CTIF: variants seen among roughly 807,000 people sequenced by gnomAD.
The protein encoded by CTIF is cap binding complex dependent translation initiation factor.
In CTIF, 21 loss-of-function variants were observed where a neutral mutation model predicts 66.0. The observed-to-expected ratio is 0.32, with a 90% CI of 0.23 to 0.46. The LOEUF (loss-of-function observed/expected upper bound fraction) is 0.46. Ranked by LOEUF, CTIF falls within the 20% of genes least tolerant of loss-of-function variation. The pLI is 1.00. For missense variants in CTIF, 739 were observed against 812.7 expected (o/e 0.91, Z 1.10); for synonymous variants, 345 against 326.4 (o/e 1.06, Z -0.62).
intron 4 of CTIF, 71 bp from the exon 5 acceptor site, chr18:48,664,376 G>C (rs189261228): frequency 7.4e-7 from 1 of 1,347,460 alleles, no homozygotes; most frequent in Non-Finnish European, 1.1e-6. Context: ...GTTCAGCCTG[G>C]CCCCCTGGTT....
At chr18:48,739,716 G>A (rs2092538141) in intron 7 of CTIF, among the ~76,000 whole-genome samples, 1 of 152,230 alleles carries the variant, frequency 6.6e-6, no homozygotes, top group Non-Finnish European at 1.5e-5. Context: ...GCCACTGGAA[G>A]CTGAGAGGCC....
intron 9 of CTIF, among the ~76,000 whole-genome samples, chr18:48,812,292 G>A (rs1399809991): frequency 6.6e-6 from 1 of 152,152 alleles, no homozygotes; most frequent in East Asian, 1.9e-4. Context: ...AGCAACTGCA[G>A]CATTGAATTT....
intron 4 of CTIF, among the ~76,000 whole-genome samples, chr18:48,664,116 G>T (rs1039276707): frequency 2.0e-5 from 3 of 152,212 alleles, no homozygotes; most frequent in Non-Finnish European, 4.4e-5. Flanking sequence ...ACTTTGAGCT[G>T]CTTGTCAGAG....
At chr18:48,590,750 G>A (rs2089870484) in intron 1 of CTIF, among the ~76,000 whole-genome samples, 1 of 152,208 alleles carries the variant, frequency 6.6e-6, no homozygotes, top group Non-Finnish European at 1.5e-5. Flanking sequence ...CATTTCGGAT[G>A]ACTTCCTGCC....
At chr18:48,821,444 C>A (rs974752318) in intron 10 of CTIF, among the ~76,000 whole-genome samples, 1 of 152,266 alleles carries the variant, frequency 6.6e-6, no homozygotes, top group Non-Finnish European at 1.5e-5. Flanking sequence ...GCGGTAGAAT[C>A]AGTCCTGGAA....
chr18:48,666,824 C>G (rs886797760), intron 5 of CTIF, among the ~76,000 whole-genome samples: 19 of 152,220 alleles, frequency 1.2e-4, no homozygotes, highest in African/African-American at 4.6e-4. Flanking sequence ...TCCTTCCAGA[C>G]TGCTGAGCTG....
intron 9 of CTIF, among the ~76,000 whole-genome samples, chr18:48,763,554 C>T (rs534268944): frequency 6.6e-6 from 1 of 152,348 alleles, no homozygotes; most frequent in African/African-American, 2.4e-5. Flanking sequence ...TCTGCATTCC[C>T]CAGTTAAGAA....
intron 7 of CTIF, among the ~76,000 whole-genome samples, chr18:48,737,911 G>A (rs2092518140): frequency 6.6e-6 from 1 of 152,264 alleles, no homozygotes. Context: ...TGAGAGGGCA[G>A]GCACCTGCAT....
chr18:48,730,712 C>CT (rs1468736114), intron 7 of CTIF, among the ~76,000 whole-genome samples: 4 of 71,174 alleles, frequency 5.6e-5, no homozygotes, highest in Non-Finnish European at 5.3e-5. Context: ...GAGGGGCTTC[C>CT]GCGGTGTGAG....
rs1479526760 is a variant in CTIF, at chr18:48,636,995, A to G, written c.252+310A>G. Among the ~76,000 whole-genome samples, 3 of 152,158 alleles carry G rather than the reference A, an allele frequency of 2.0e-5. No individual in the cohort carries two copies. The East Asian group carries it at 5.8e-4, about 29-fold the overall frequency. ...GAGAGGTGCCTTGGGATCCATCCTT[A>G]CAGTGGAATATTACACGGCTCTCAA... On this transcript the variant is annotated intron_variant, in intron 3 of 11. Coordinates refer to ENST00000256413, the MANE Select transcript of CTIF (RefSeq NM_014772.3).
intron 1 of CTIF, among the ~76,000 whole-genome samples, chr18:48,542,925 A>C (rs2088654219): frequency 6.6e-6 from 1 of 152,154 alleles, no homozygotes. Context: ...CACGGAGCTA[A>C]GGAGATGTTC....
intron 1 of CTIF, among the ~76,000 whole-genome samples, chr18:48,579,623 A>T (rs1475787943): frequency 2.0e-5 from 3 of 152,264 alleles, no homozygotes; most frequent in African/African-American, 7.2e-5. Context: ...CCTGCCTCAA[A>T]GTACCAGGCA....
chr18:48,846,799 A>G (rs138735780), intron 10 of CTIF, among the ~76,000 whole-genome samples: 2 of 150,988 alleles, frequency 1.3e-5, no homozygotes, highest in Non-Finnish European at 3.0e-5. Context: ...GGATAGATAC[A>G]TGGATGAAAG....
chr18:48,597,602 G>A (rs889460747), intron 1 of CTIF, among the ~76,000 whole-genome samples: 9 of 143,942 alleles, frequency 6.3e-5, no homozygotes, highest in African/African-American at 2.4e-4. Flanking sequence ...GCCATGTGAC[G>A]TGCCTGCTTT....
At chr18:48,674,268 G>A (rs962514334) in intron 6 of CTIF, among the ~76,000 whole-genome samples, 8 of 152,222 alleles carry the variant, frequency 5.3e-5, no homozygotes, top group South Asian at 2.1e-4. Context: ...GCAAGTGCTG[G>A]TGCCTTGCCC....
rs2091384716 is a variant in CTIF, at chr18:48,663,659, C to A, written c.253-93C>A. 2.5e-6 allele frequency: 3 copies of A among 1,188,224 alleles called. No individual in the cohort carries two copies. In the African/African-American group the frequency reaches 4.5e-5, roughly 18 times the overall value. 73.6% of individuals were successfully genotyped at this position (1,188,224 alleles called of 1,614,324 possible). A position where few individuals can be genotyped will look rare whatever the true frequency, so the allele number is the denominator to read the frequency against. ...GCCACCATACTCACTTGGGGGCTCA[C>A]TCCAGCCCCCCAGCCCCTCAGGCCC... On this transcript the variant is annotated intron_variant, in intron 3 of 11. Transcript: ENST00000256413.
At chr18:48,605,678 C>A (rs1409901481) in intron 1 of CTIF, among the ~76,000 whole-genome samples, 1 of 152,172 alleles carries the variant, frequency 6.6e-6, no homozygotes, top group Non-Finnish European at 1.5e-5. Context: ...CTGGCTGCAC[C>A]TGGGAGTCCT....
At chr18:48,840,743 G>C (rs1346713879) in intron 10 of CTIF, among the ~76,000 whole-genome samples, 1 of 152,048 alleles carries the variant, frequency 6.6e-6, no homozygotes, top group African/African-American at 2.4e-5. Context: ...CTCCGGCCCA[G>C]CTGTCCCTAC....
chr18:48,707,902 C>T lies in CTIF; in HGVS notation c.508-3717C>T, dbSNP rs754215480. On this transcript the variant is annotated intron_variant, in intron 6 of 11. Coordinates refer to ENST00000256413, the MANE Select transcript of CTIF (RefSeq NM_014772.3). ...TCCCCTTCCCAGCCCCTGGCAACCA[C>T]GGATCCACTTTCCATCTCTGCAGAT... Among the ~76,000 whole-genome samples, 7 of 152,184 alleles carry T rather than the reference C, an allele frequency of 4.6e-5. No individual in the cohort carries two copies. The South Asian group carries it at 6.2e-4, about 14-fold the overall frequency.
Sources: allele counts gnomAD v4.1 joint callset (sites outside exome capture counted in the v4.1 genomes callset), GRCh38; gene constraint gnomAD v4.1.1; transcripts MANE v1.5; gene names NCBI Gene and HGNC (gene_info 2026-07-23, HGNC 2026-07-21).